KANK1: variants seen among roughly 807,000 people sequenced by gnomAD.
KANK1 encodes the protein KN motif and ankyrin repeat domain-containing protein 1.
In KANK1, 109 loss-of-function variants were observed where a neutral mutation model predicts 106.2. That is an observed-to-expected ratio of 1.03 (90% confidence interval 0.88 to 1.20). The LOEUF (loss-of-function observed/expected upper bound fraction) is 1.20, where lower values mean the gene tolerates loss of function less well. KANK1 is among the 50% of genes most tolerant of loss of function. The probability of loss-of-function intolerance (pLI) is 0.00; values close to 1 mark genes in which losing one functional copy is unlikely to be tolerated. For synonymous variants in KANK1, 873 were observed against 652.2 expected (o/e 1.34, Z -5.16); for missense variants, 2,399 against 1,710.7 (o/e 1.40, Z -7.10).
At chr9:623,989 A>G (rs1833790637) in intron 1 of KANK1, among the ~76,000 whole-genome samples, 1 of 151,556 alleles carries the variant, frequency 6.6e-6, no homozygotes, top group Non-Finnish European at 1.5e-5. Flanking sequence ...AGTGCCATTT[A>G]TCTTAGGAAT....
intron 1 of KANK1, among the ~76,000 whole-genome samples, chr9:658,393 A>G (rs4742196): frequency 0.19 from 28,070 of 151,498 alleles, 2,998 homozygotes; most frequent in East Asian, 0.32. Context: ...AGCCCAACCT[A>G]CTCTTTCCCT....
intron 1 of KANK1, among the ~76,000 whole-genome samples, chr9:588,230 C>T (rs1189084720): frequency 2.6e-5 from 4 of 152,062 alleles, no homozygotes; most frequent in Non-Finnish European, 5.9e-5. Flanking sequence ...CTTTTTTCTA[C>T]AGCATCATTT....
chr9:700,566 A>G (rs1257066031), intron 2 of KANK1, among the ~76,000 whole-genome samples: 3 of 152,018 alleles, frequency 2.0e-5, no homozygotes, highest in African/African-American at 7.3e-5. Flanking sequence ...CTGACGTGGG[A>G]TCTTTTTGAC....
At chr9:543,550 ACT>A (rs1232392081) in intron 1 of KANK1, among the ~76,000 whole-genome samples, 3 of 132,022 alleles carry the variant, frequency 2.3e-5, no homozygotes, top group East Asian at 2.4e-4. Context: ...CAAGAGTGAA[ACT>A]CTGTCTCAAA....
At chr9:739,764 T>C (rs995490452) in intron 8 of KANK1, among the ~76,000 whole-genome samples, 4 of 152,116 alleles carry the variant, frequency 2.6e-5, no homozygotes, top group Non-Finnish European at 4.4e-5. Flanking sequence ...TAATCACTTA[T>C]CTTAATGGTT....
At chr9:618,482 A>G (rs749472725) in intron 1 of KANK1, among the ~76,000 whole-genome samples, 28 of 152,186 alleles carry the variant, frequency 1.8e-4, no homozygotes, top group African/African-American at 3.1e-4. Context: ...TGCTTAGATT[A>G]CAGTCGTGAG....
At chr9:560,263 G>A (rs2134363114) in intron 1 of KANK1, among the ~76,000 whole-genome samples, 1 of 152,302 alleles carries the variant, frequency 6.6e-6, no homozygotes, top group Non-Finnish European at 1.5e-5. Flanking sequence ...AAAACTACAT[G>A]TTTCATTAAG....
chr9:738,332 T>C lies in KANK1; in HGVS notation c.3381T>C (p.Ser1127=), dbSNP rs1395946247. 3 of 1,614,100 alleles carry C rather than the reference T, an allele frequency of 1.9e-6. No homozygotes were observed. The highest frequency in any genetic ancestry group is 2.5e-6 in the Non-Finnish European group (3 of 1,180,006). The change falls in exon 8 of 12, where the codon AGT becomes AGC. Residue 1127 remains serine (S), a synonymous_variant. Transcript: ENST00000382297. ...TLQHEWFRVS[S]QKSAIPAMVG... is the part of the protein sequence containing the mutation. ...AGCACGAGTGGTTCCGCGTGTCCAG[T>C]CAGAAGTCAGCCATTCCAGCCATGG...
At chr9:642,551 G>T (rs920655793) in intron 1 of KANK1, among the ~76,000 whole-genome samples, 1 of 150,800 alleles carries the variant, frequency 6.6e-6, no homozygotes, top group Non-Finnish European at 1.5e-5. Context: ...AAAATTCTTG[G>T]TTCTTGGACA....
intron 1 of KANK1, among the ~76,000 whole-genome samples, chr9:671,610 C>T (rs1389549048): frequency 6.3e-5 from 2 of 31,826 alleles, no homozygotes; most frequent in Non-Finnish European, 1.0e-4. Context: ...AGCGAAACTC[C>T]GTCTCAAAAA....
At chr9:696,880 G>C (rs1237215181) in intron 2 of KANK1, among the ~76,000 whole-genome samples, 1 of 152,312 alleles carries the variant, frequency 6.6e-6, no homozygotes, top group South Asian at 2.1e-4. Context: ...TAACAGCAGA[G>C]TCTGGGCTGT....
intron 1 of KANK1, among the ~76,000 whole-genome samples, chr9:555,804 A>G (rs576344023): frequency 4.6e-5 from 7 of 152,348 alleles, no homozygotes; most frequent in South Asian, 4.1e-4. Flanking sequence ...TCAAAATACA[A>G]TTAGGAAAAA....
chr9:599,782 G>A lies in KANK1; in HGVS notation c.-83-77108G>A, dbSNP rs962995187. 5.3e-5 allele frequency among the ~76,000 whole-genome samples: 8 copies of A among 151,782 alleles called. 1 individual carries two copies. Among genetic ancestry groups the A allele is most frequent in the African/African-American group, 1.5e-4 (6 of 41,100 alleles). ...CTTTTCATATACGCAGGTTCTTCAG[G>A]GCTGGCTACAGAACTTCAGTATGTG... On this transcript the variant is annotated intron_variant, in intron 1 of 11. Coordinates refer to ENST00000382297, the MANE Select transcript of KANK1 (RefSeq NM_015158.5).
intron 2 of KANK1, chr9:680,961 C>G (rs1056064707): frequency 1.3e-5 from 2 of 152,450 alleles, no homozygotes; most frequent in African/African-American, 4.8e-5. Flanking sequence ...GACGTGTAAT[C>G]CCAACACTTT....
chr9:524,460 T>C lies in KANK1; in HGVS notation c.-84+19706T>C, dbSNP rs556710436. Among the ~76,000 whole-genome samples the C allele has an allele frequency of 2.6e-5, 4 of 151,940 alleles. No individual in the cohort carries two copies. The South Asian group carries it at 6.2e-4, about 24-fold the overall frequency. ...ATCTTAGCTTACGGCTGGTTTTATT[T>C]TAGCTTTGGCCAGGTTGGCACCATT... On this transcript the variant is annotated intron_variant, in intron 1 of 11. Coordinates refer to ENST00000382297, the MANE Select transcript of KANK1 (RefSeq NM_015158.5).
chr9:731,087 G>A, intron 4 of KANK1, 71 bp from the exon 5 acceptor site: 1 of 797,730 alleles, frequency 1.3e-6, no homozygotes, highest in Non-Finnish European at 2.0e-6. Flanking sequence ...GAAAAGAACT[G>A]TACAGGAAAA....
intron 1 of KANK1, among the ~76,000 whole-genome samples, chr9:598,622 T>A (rs1270055831): frequency 6.6e-5 from 2 of 30,300 alleles, no homozygotes. Flanking sequence ...TTGGTTTTCT[T>A]TTTTTTTTTT....
At chr9:732,077 C>T (rs1011760285) in intron 5 of KANK1, 8 of 217,030 alleles carry the variant, frequency 3.7e-5, no homozygotes, top group African/African-American at 6.8e-5. Context: ...AAGCACCTAC[C>T]GATCTGTTTT....
intron 1 of KANK1, among the ~76,000 whole-genome samples, chr9:528,157 T>A (rs901243965): frequency 2.0e-5 from 3 of 150,758 alleles, no homozygotes; most frequent in Non-Finnish European, 1.5e-5. Context: ...AAAAAAAAAC[T>A]TTTTAGGATT....
Sources: gnomAD v4.1 joint callset for allele counts (sites outside exome capture counted in the v4.1 genomes callset) on GRCh38, gnomAD v4.1.1 for gene constraint, MANE v1.5 for transcripts, NCBI Gene and HGNC (gene_info 2026-07-23, HGNC 2026-07-21) for gene names.